The following EYS variants were observed in gnomAD, a reference collection of about 807,000 sequenced individuals.
EYS encodes EGF-like photoreceptor maintenance factor.
In EYS, 250 loss-of-function variants were observed where a neutral mutation model predicts 282.1. The ratio of observed to expected loss-of-function variants is 0.89; its 90% CI spans 0.80 to 0.98. The LOEUF is 0.98. Ranked by LOEUF, EYS falls within the 50% of genes least tolerant of loss-of-function variation. The probability of loss-of-function intolerance (pLI) is 0.00; values close to 1 mark genes in which losing one functional copy is unlikely to be tolerated. For synonymous variants in EYS, 1,355 were observed against 1,282.9 expected (o/e 1.06, Z -1.20); for missense variants, 4,016 against 3,709.0 (o/e 1.08, Z -2.15).
At chr6:63,811,860 TCAAC>T (rs958926046) in intron 36 of EYS, among the ~76,000 whole-genome samples, 71 of 152,188 alleles carry the variant, frequency 4.7e-4, no homozygotes, top group Non-Finnish European at 3.2e-4. Context: ...CTCTGCTACC[TCAAC>T]TGACAAACTG....
At chr6:64,711,148 T>C (rs1771199245) in intron 22 of EYS, among the ~76,000 whole-genome samples, 1 of 152,190 alleles carries the variant, frequency 6.6e-6, no homozygotes, top group Admixed American at 6.5e-5. Flanking sequence ...TAAAAAGACA[T>C]TGTTTACCTC....
intron 2 of EYS, among the ~76,000 whole-genome samples, chr6:65,519,891 ATT>A (rs34941445): frequency 1.6e-4 from 22 of 133,530 alleles, no homozygotes; most frequent in African/African-American, 3.2e-4. Context: ...TAATTTTTCT[ATT>A]TTTTTTTTTT....
chr6:65,452,201 T>G (rs746266740), intron 5 of EYS, among the ~76,000 whole-genome samples: 20 of 151,960 alleles, frequency 1.3e-4, no homozygotes, highest in Non-Finnish European at 2.5e-4. Context: ...ATAATAAAAC[T>G]TTCTAATAGT....
chr6:64,872,642 T>C (rs1408038590), intron 19 of EYS, among the ~76,000 whole-genome samples: 1 of 152,030 alleles, frequency 6.6e-6, no homozygotes, highest in Non-Finnish European at 1.5e-5. Flanking sequence ...ATCTCACCTT[T>C]CCTTAATCCT....
intron 35 of EYS, among the ~76,000 whole-genome samples, chr6:63,958,565 T>G (rs1010969184): frequency 6.6e-6 from 1 of 152,228 alleles, no homozygotes; most frequent in South Asian, 2.1e-4. Context: ...TTGATGGAAG[T>G]GGCTACACTA....
At chr6:64,493,287 A>C (rs1014642232) in intron 26 of EYS, among the ~76,000 whole-genome samples, 1 of 151,522 alleles carries the variant, frequency 6.6e-6, no homozygotes, top group Non-Finnish European at 1.5e-5. Context: ...ATGATTAAAT[A>C]TAAGAAATCA....
At chr6:63,972,283 C>G (rs955052456) in intron 35 of EYS, among the ~76,000 whole-genome samples, 9 of 152,016 alleles carry the variant, frequency 5.9e-5, no homozygotes, top group Non-Finnish European at 1.3e-4. Context: ...CTCTTTTTCC[C>G]CAAGGAATGC....
At chr6:64,652,540 T>A (rs1182471782) in intron 22 of EYS, among the ~76,000 whole-genome samples, 1 of 152,096 alleles carries the variant, frequency 6.6e-6, no homozygotes, top group Non-Finnish European at 1.5e-5. Context: ...AGAGAGAAAC[T>A]ACAACCCCAA....
chr6:63,995,026 G>C (rs988326704), intron 34 of EYS, among the ~76,000 whole-genome samples: 1 of 151,788 alleles, frequency 6.6e-6, no homozygotes, highest in Admixed American at 6.6e-5. Context: ...AGACAAGTGG[G>C]ACCTATGTCA....
intron 1 of EYS, among the ~76,000 whole-genome samples, chr6:65,646,914 T>C (rs1019447782): frequency 6.6e-6 from 1 of 151,820 alleles, no homozygotes; most frequent in African/African-American, 2.4e-5. Context: ...ACTTTTACAA[T>C]AACAGCATAA....
chr6:65,535,323 A>G (rs935719344), intron 2 of EYS, among the ~76,000 whole-genome samples: 28 of 152,086 alleles, frequency 1.8e-4, no homozygotes, highest in African/African-American at 6.5e-4. Context: ...TTGTTTTGGG[A>G]GGAACCCAGT....
chr6:63,804,144 G>A (rs1438447243), intron 37 of EYS, among the ~76,000 whole-genome samples: 5 of 152,118 alleles, frequency 3.3e-5, no homozygotes. Flanking sequence ...AGCCTCCCAA[G>A]TAGCTAGGAT....
intron 12 of EYS, among the ~76,000 whole-genome samples, chr6:65,161,792 A>T (rs1315665836): frequency 6.6e-6 from 1 of 151,268 alleles, no homozygotes; most frequent in East Asian, 2.0e-4. Context: ...AAAACTTGAA[A>T]TACTTGGAAG....
At chr6:63,789,272 GAGTTCCGTC>G in intron 37 of EYS, 48 bp from the exon 38 acceptor site, 1 of 1,522,782 alleles carries the variant, frequency 6.6e-7, no homozygotes, top group Non-Finnish European at 8.9e-7. Context: ...GGAAATTCAG[GAGTTCCGTC>G]AGCTTTATTT....
chr6:65,099,074 A>G (rs1774818512), intron 12 of EYS, among the ~76,000 whole-genome samples: 1 of 150,730 alleles, frequency 6.6e-6, no homozygotes, highest in Non-Finnish European at 1.5e-5. Flanking sequence ...ATACAACACC[A>G]GTAAAGAATA....
intron 26 of EYS, among the ~76,000 whole-genome samples, chr6:64,537,725 G>A (rs1283443572): frequency 6.6e-6 from 1 of 152,016 alleles, no homozygotes; most frequent in Non-Finnish European, 1.5e-5. Flanking sequence ...TGACAATTTT[G>A]TTATTTTAAC....
intron 19 of EYS, among the ~76,000 whole-genome samples, chr6:64,825,212 A>G (rs1042223187): frequency 4.6e-5 from 7 of 151,934 alleles, no homozygotes; most frequent in African/African-American, 1.7e-4. Context: ...AAATGTCACT[A>G]TCTCAATGAG....
At chr6:64,567,836 T>C (rs1765608888) in intron 26 of EYS, among the ~76,000 whole-genome samples, 1 of 152,226 alleles carries the variant, frequency 6.6e-6, no homozygotes, top group Admixed American at 6.5e-5. Flanking sequence ...GAGACCAGAT[T>C]TAACCTTCTG....
chr6:63,728,992 T>C (rs1275768976), intron 41 of EYS, among the ~76,000 whole-genome samples: 1 of 152,190 alleles, frequency 6.6e-6, no homozygotes, highest in Non-Finnish European at 1.5e-5. Flanking sequence ...TTGCTGGCTT[T>C]AGGTGATAAG....
Sources: gnomAD v4.1 joint callset for allele counts (sites outside exome capture counted in the v4.1 genomes callset) on GRCh38, gnomAD v4.1.1 for gene constraint, MANE v1.5 for transcripts, NCBI Gene and HGNC (gene_info 2026-07-23, HGNC 2026-07-21) for gene names.